The following NEB variants were observed in gnomAD, a reference collection of about 807,000 sequenced individuals.
NEB encodes the protein nemaline myopathy type 2.
Under a neutral mutation model 952.2 loss-of-function variants are expected in NEB, and 512 were observed. The ratio of observed to expected loss-of-function variants is 0.54; its 90% CI spans 0.50 to 0.58. NEB has a LOEUF of 0.58. Ranked by LOEUF, NEB falls within the 20% of genes least tolerant of loss-of-function variation. NEB has a pLI of 0.00. For missense variants in NEB, 8,428 were observed against 9,231.1 expected, an observed-to-expected ratio of 0.91 and a Z score of 3.56; for synonymous variants, 2,900 against 3,149.8, an observed-to-expected ratio of 0.92 and a Z score of 2.66.
At chr2:151,547,296 C>T (rs761593753) in intron 133 of NEB, 133 bp downstream of exon 133, 2 of 679,546 alleles carry the variant, frequency 2.9e-6, no homozygotes, top group African/African-American at 3.6e-5. Context: ...ACTGTCTTAC[C>T]TCCAACTTGT....
Position 151,540,448 on chromosome 2 carries a change from T to C in NEB, c.20788A>G (p.Lys6930Glu). Residue 6930 changes from lysine (K) to glutamate (E), a missense_variant and splice_region_variant, in exon 138 of 182, where the codon AAA becomes GAA. By Grantham distance (56) the Lys-to-Glu change is moderately conservative. Coordinates refer to ENST00000397345, the MANE Select transcript of NEB (RefSeq NM_001164508.2). ...TTTTCATATTGAATCTTGTACTTTT[T>C]CTGAGAAATAAATGCAGAAGAGAGA... is the stretch of plus-strand genomic sequence containing the variant. ...AKDVKDMVSE[K>E]KYKIQYEKMK... is the part of the protein sequence containing the mutation. 2 of 1,551,918 alleles carry C rather than the reference T, an allele frequency of 1.3e-6. No individual in the cohort carries two copies. Among genetic ancestry groups the C allele is most frequent in the Non-Finnish European group, 1.7e-6 (2 of 1,144,188 alleles).
intron 148 of NEB, 112 bp downstream of exon 148, chr2:151,526,806 G>C (rs1040432233): frequency 8.7e-6 from 7 of 805,978 alleles, no homozygotes; most frequent in South Asian, 6.1e-5. Context: ...ACCCATACCT[G>C]AGCCCTGATG....
chr2:151,690,655 A>T (rs1476471587), intron 24 of NEB, 72 bp downstream of exon 24: 1 of 1,074,768 alleles, frequency 9.3e-7, no homozygotes, highest in Admixed American at 2.0e-5. Flanking sequence ...AAGATTAAGC[A>T]TGTAAATGCT....
intron 88 of NEB, among the ~76,000 whole-genome samples, chr2:151,601,171 G>A (rs1237342337): frequency 4.4e-5 from 5 of 114,502 alleles, no homozygotes; most frequent in African/African-American, 7.9e-5. Context: ...GCAGTAGCAC[G>A]ATCTCGGCTC....
Position 151,672,552 on chromosome 2 carries a change from C to T in NEB, c.4116G>A (p.Lys1372=), listed in dbSNP as rs202144520. The change falls in exon 37 of 182, where the codon AAG becomes AAA. Residue 1372 remains lysine, a synonymous_variant. Transcript: ENST00000397345. ...AKLQSDREYK[K]NYENTKTSYH... ...AGCTGGTTTTGGTGTTCTCATAGTT[C>T]TTCTTGTATTCACGATCAGACTGCA... The T allele has an allele frequency of 3.3e-5, 54 of 1,613,832 alleles. No homozygotes were observed. Among genetic ancestry groups the T allele is most frequent in the Non-Finnish European group, 4.5e-5 (53 of 1,179,888 alleles).
chr2:151,498,133 C>G, intron 170 of NEB, 127 bp downstream of exon 170: 2 of 1,522,974 alleles, frequency 1.3e-6, no homozygotes, highest in East Asian at 4.9e-5. Context: ...GAAAGTATAT[C>G]CTTTTGTAAT....
At chr2:151,620,857 C>G (rs1455075434) in intron 72 of NEB, 62 bp downstream of exon 72, 2 of 1,270,990 alleles carry the variant, frequency 1.6e-6, no homozygotes, top group Non-Finnish European at 2.2e-6. Flanking sequence ...AAAGAGACAT[C>G]CAGCTGTATT....
chr2:151,612,237 G>C lies in NEB; in HGVS notation c.11754C>G (p.Thr3918=). ...PADQLKFTCI[T]DTPEIVLAKN... ...TTGCTAGGACAATTTCCGGAGTGTC[G>C]GTAATGCATGTGAATTTGAGCTGGT... The change falls in exon 78 of 182, where the codon ACC becomes ACG. Residue 3918 remains threonine (T), a synonymous_variant. Transcript: ENST00000397345. The C allele has an allele frequency of 2.5e-6, 4 of 1,613,784 alleles. No homozygotes were observed. The highest frequency in any genetic ancestry group is 3.4e-6 in the Non-Finnish European group (4 of 1,179,812).
Position 151,724,892 on chromosome 2 carries a change from C to T in NEB, c.472G>A (p.Glu158Lys). ...CHVDEKAKDIEHAKKVSQQVS... is the reference protein window; with the variant it reads ...CHVDEKAKDIKHAKKVSQQVS... Reference sequence around the variant, plus strand: ...TGCTGCGACACTTTCTTTGCATGTTCAATATCCTTTGCTTTTTCATCTACG... The same window carrying T: ...TGCTGCGACACTTTCTTTGCATGTTTAATATCCTTTGCTTTTTCATCTACG... Residue 158 changes from glutamate to lysine, a missense_variant, in exon 7 of 182, where the codon GAA becomes AAA. By Grantham distance (56) the Glu-to-Lys change is moderately conservative (BLOSUM62 1). This residue lies in a region of NEB where 2,851 missense variants were observed against 2,791.5 expected (regional missense o/e 1.02). Coordinates refer to ENST00000397345, the MANE Select transcript of NEB (RefSeq NM_001164508.2). 1 of 1,613,812 alleles carries T rather than the reference C, an allele frequency of 6.2e-7. No homozygotes were observed. Among genetic ancestry groups the T allele is most frequent in the Non-Finnish European group, 8.5e-7 (1 of 1,179,816 alleles).
chr2:151,530,605 A>T (rs1301286027), intron 145 of NEB: 1 of 163,324 alleles, frequency 6.1e-6, no homozygotes, highest in Non-Finnish European at 1.3e-5. Context: ...AAAAATCAGT[A>T]CCTCAGGATA....
At chr2:151,578,635 A>AAGGGAAGG (rs981886362) in intron 105 of NEB, among the ~76,000 whole-genome samples, 1 of 149,788 alleles carries the variant, frequency 6.7e-6, no homozygotes, top group African/African-American at 2.5e-5. Context: ...GCCACAGGGC[A>AAGGGAAGG]AGGGAAGGAG....
chr2:151,512,919 C>T, intron 160 of NEB, 82 bp from the exon 161 acceptor site: 1 of 912,142 alleles, frequency 1.1e-6, no homozygotes, highest in Non-Finnish European at 1.7e-6. Context: ...AGAGGTGAGC[C>T]ATATTTCTTT....
At chr2:151,570,723 A>G in intron 107 of NEB, 122 bp from the exon 108 acceptor site, 1 of 819,078 alleles carries the variant, frequency 1.2e-6, no homozygotes, top group Admixed American at 2.1e-5. Flanking sequence ...GAGCAGTTAA[A>G]GAAGAGCATA....
At position 151,527,483 on chromosome 2, in the gene NEB, C is replaced by A; in HGVS notation, c.21838G>T (p.Asp7280Tyr). 1.9e-6 allele frequency: 3 copies of A among 1,610,214 alleles called. No homozygotes were observed. Among genetic ancestry groups the A allele is most frequent in the Non-Finnish European group, 2.5e-6 (3 of 1,177,614 alleles). Residue 7280 changes from aspartate to tyrosine, a missense_variant and splice_region_variant, in exon 147 of 182, where the codon GAT becomes TAT. Physicochemically the swap from Asp to Tyr is radical, Grantham distance 160. Transcript: ENST00000397345. ...QAAKSSLQQS[D>Y]FEYKLDREFL... The stretch of plus-strand genomic sequence containing the variant: ...CGTCTGTGTCTCTCCTGTCTTACAT[C>A]GCTTTGCTGCAGGGATGACTTGGCA...
Position 151,507,621 on chromosome 2 carries a change from CTCTA to C in NEB, c.23451+380_23451+383del, listed in dbSNP as rs373850463. On this transcript the variant is annotated intron_variant, in intron 162 of 181. Coordinates refer to ENST00000397345, the MANE Select transcript of NEB (RefSeq NM_001164508.2). Reference sequence around the variant, plus strand: ...TCTTTGTCCAATCACACTTCCGCATCTCTATCCATAAAAATACACATATTTCCCT... The same window carrying C: ...TCTTTGTCCAATCACACTTCCGCATCTCCATAAAAATACACATATTTCCCT... 45 of 214,554 alleles carry C rather than the reference CTCTA, an allele frequency of 2.1e-4. No individual in the cohort carries two copies. In the East Asian group the frequency reaches 3.4e-3, roughly 16 times the overall value. 13.3% of individuals were successfully genotyped at this position (214,554 alleles called of 1,614,324 possible). A position where few individuals can be genotyped will look rare whatever the true frequency, so the allele number is the denominator to read the frequency against.
At chr2:151,497,809 C>G in intron 170 of NEB, 91 bp from the exon 171 acceptor site, 2 of 1,536,636 alleles carry the variant, frequency 1.3e-6, no homozygotes, top group East Asian at 4.9e-5. Flanking sequence ...CACAGTCATC[C>G]AAGGAGCCAG....
chr2:151,622,312 T>C (rs1359827846), intron 71 of NEB, among the ~76,000 whole-genome samples: 1 of 152,244 alleles, frequency 6.6e-6, no homozygotes, highest in Non-Finnish European at 1.5e-5. Flanking sequence ...TTCGTTTTAA[T>C]ACTTTCAGAC....
In NEB at chr2:151,546,524, T is replaced by A. The variant is rs2094712027; in HGVS notation, c.20368-81A>T. The stretch of plus-strand genomic sequence containing the variant: ...ACAAAAGATGGAGTAGCAACACTTC[T>A]TAATTACTGTGTCTTTCATTTTGGT... On this transcript the variant is annotated intron_variant, in intron 133 of 181. Transcript: ENST00000397345. 3 of 792,458 alleles carry A rather than the reference T, an allele frequency of 3.8e-6. No homozygotes were observed. In the Admixed American group the frequency reaches 6.4e-5, roughly 17 times the overall value. 49.1% of individuals were successfully genotyped at this position (792,458 alleles called of 1,614,324 possible).
chr2:151,626,413 G>T (rs892687198), intron 70 of NEB, among the ~76,000 whole-genome samples: 1 of 152,176 alleles, frequency 6.6e-6, no homozygotes, highest in Non-Finnish European at 1.5e-5. Flanking sequence ...ACCATGCCCG[G>T]CTTGCATCTT....
Sources: allele counts gnomAD v4.1 joint callset (sites outside exome capture counted in the v4.1 genomes callset), GRCh38; gene constraint gnomAD v4.1.1; regional missense constraint gnomAD v4.1.1; transcripts MANE v1.5; gene names NCBI Gene and HGNC (gene_info 2026-07-23, HGNC 2026-07-21).